RBFOX1: variants seen among roughly 807,000 people sequenced by gnomAD.
The protein encoded by RBFOX1 is RNA binding fox-1 homolog 1, also known as RNA binding protein fox-1 homolog 1.
Under a neutral mutation model 57.7 loss-of-function variants are expected in RBFOX1, and 8 were observed. The ratio of observed to expected loss-of-function variants is 0.14; its 90% CI spans 0.08 to 0.25. RBFOX1 has a LOEUF of 0.25. Among genes scored for constraint, RBFOX1 ranks in the 10% least tolerant of loss-of-function variants. The pLI, the probability that RBFOX1 is intolerant of heterozygous loss-of-function variation, is 1.00. For synonymous variants in RBFOX1, 326 were observed against 222.4 expected (o/e 1.47, Z -4.15); for missense variants, 611 against 548.5 (o/e 1.11, Z -1.14).
chr16:5,786,530 G>C (rs944078053), intron 3 of RBFOX1, among the ~76,000 whole-genome samples: 1 of 152,094 alleles, frequency 6.6e-6, no homozygotes, highest in African/African-American at 2.4e-5. Flanking sequence ...GCCTCGAGAG[G>C]GTTCTGCACT....
intron 3 of RBFOX1, among the ~76,000 whole-genome samples, chr16:6,752,417 G>C (rs943089070): frequency 2.6e-5 from 4 of 152,168 alleles, no homozygotes; most frequent in African/African-American, 9.7e-5. Flanking sequence ...CCACAAGGAA[G>C]TGATAGCTCC....
intron 4 of RBFOX1, among the ~76,000 whole-genome samples, chr16:7,322,499 A>C (rs910467997): frequency 6.6e-6 from 1 of 152,232 alleles, no homozygotes; most frequent in African/African-American, 2.4e-5. Context: ...AAAGTACAGC[A>C]CATCTTGCTA....
At chr16:6,774,350 A>C (rs2078968817) in intron 3 of RBFOX1, among the ~76,000 whole-genome samples, 1 of 152,066 alleles carries the variant, frequency 6.6e-6, no homozygotes, top group Non-Finnish European at 1.5e-5. Flanking sequence ...GGACATTTCT[A>C]ACTGGCCAAG....
chr16:6,924,437 C>T (rs1298541939), intron 3 of RBFOX1, among the ~76,000 whole-genome samples: 1 of 151,966 alleles, frequency 6.6e-6, no homozygotes, highest in Non-Finnish European at 1.5e-5. Flanking sequence ...TGAGTGCTCA[C>T]TCATCACTAA....
intron 3 of RBFOX1, among the ~76,000 whole-genome samples, chr16:6,860,811 A>T (rs922604819): frequency 1.3e-5 from 2 of 152,230 alleles, no homozygotes; most frequent in Non-Finnish European, 2.9e-5. Flanking sequence ...ATACAGTATG[A>T]CATCATTTAT....
chr16:6,483,311 C>A, intron 2 of RBFOX1: 1 of 1,415,098 alleles, frequency 7.1e-7, no homozygotes, highest in Non-Finnish European at 9.2e-7. Flanking sequence ...CGCGCCCGCG[C>A]GCTCGGGGCG....
chr16:5,777,254 C>G (rs551557179), intron 3 of RBFOX1, among the ~76,000 whole-genome samples: 68 of 152,286 alleles, frequency 4.5e-4, no homozygotes, highest in African/African-American at 1.4e-3. Context: ...TGGATCATGG[C>G]CCCTTCCTCT....
At chr16:5,855,353 C>G (rs548687767) in intron 3 of RBFOX1, among the ~76,000 whole-genome samples, 5 of 152,272 alleles carry the variant, frequency 3.3e-5, no homozygotes, top group Admixed American at 2.0e-4. Flanking sequence ...CCTTACGGTT[C>G]AAGTCTTATG....
chr16:5,471,905 C>T (rs144866421), intron 2 of RBFOX1, among the ~76,000 whole-genome samples: 2 of 152,118 alleles, frequency 1.3e-5, no homozygotes, highest in East Asian at 1.9e-4. Flanking sequence ...GCCCTCAGCC[C>T]CGCTTCATGC....
intron 3 of RBFOX1, among the ~76,000 whole-genome samples, chr16:6,673,459 A>G (rs992535458): frequency 2.0e-5 from 3 of 152,144 alleles, no homozygotes; most frequent in Non-Finnish European, 4.4e-5. Flanking sequence ...CTGGTGGTGC[A>G]TGCCTGTAAT....
At chr16:5,500,509 A>C (rs1359171731) in intron 2 of RBFOX1, among the ~76,000 whole-genome samples, 1 of 152,148 alleles carries the variant, frequency 6.6e-6, no homozygotes, top group Admixed American at 6.5e-5. Context: ...GGTGTGAGCC[A>C]TCATGCCTGG....
At chr16:7,564,934 G>C (rs1049981350) in intron 5 of RBFOX1, among the ~76,000 whole-genome samples, 3 of 152,178 alleles carry the variant, frequency 2.0e-5, no homozygotes, top group Non-Finnish European at 2.9e-5. Flanking sequence ...GAAATGTGAT[G>C]TATTTCTTAA....
chr16:6,249,829 G>T lies in RBFOX1; in HGVS notation c.-126-67166G>T, dbSNP rs556550470. On this transcript the variant is annotated intron_variant, in intron 1 of 15. Transcript: ENST00000550418. Reference sequence around the variant, plus strand: ...TAGGGTACGTGTGCACAATGTGCAGGTTAGTTACATATGTATACATGTGCC... The same window carrying T: ...TAGGGTACGTGTGCACAATGTGCAGTTTAGTTACATATGTATACATGTGCC... Among the ~76,000 whole-genome samples the T allele has an allele frequency of 2.7e-5, 4 of 150,368 alleles. No homozygotes were observed. In the East Asian group the frequency reaches 7.9e-4, roughly 30 times the overall value.
intron 2 of RBFOX1, among the ~76,000 whole-genome samples, chr16:6,584,784 G>A (rs909335601): frequency 3.9e-5 from 6 of 152,102 alleles, no homozygotes; most frequent in Admixed American, 6.6e-5. Context: ...GCCTGGCACC[G>A]ATCACTGAAG....
intron 3 of RBFOX1, among the ~76,000 whole-genome samples, chr16:6,979,418 G>C (rs2153585579): frequency 6.6e-6 from 1 of 152,254 alleles, no homozygotes; most frequent in East Asian, 1.9e-4. Context: ...AATTAAAGTT[G>C]AAGAAAGTCC....
intron 1 of RBFOX1, among the ~76,000 whole-genome samples, chr16:6,254,542 A>C (rs147315785): frequency 6.6e-6 from 1 of 152,296 alleles, no homozygotes; most frequent in African/African-American, 2.4e-5. Flanking sequence ...CATCTTGGGC[A>C]AGGTGACTAT....
At chr16:5,690,162 T>G (rs1309620603) in intron 3 of RBFOX1, among the ~76,000 whole-genome samples, 2 of 152,226 alleles carry the variant, frequency 1.3e-5, no homozygotes, top group Non-Finnish European at 2.9e-5. Flanking sequence ...GGAGTCTTGG[T>G]TTTCATGTAA....
chr16:5,393,942 C>T (rs552521563), intron 1 of RBFOX1, among the ~76,000 whole-genome samples: 4 of 152,316 alleles, frequency 2.6e-5, no homozygotes, highest in East Asian at 1.9e-4. Context: ...TGACTCTTCT[C>T]GGCACCTCAT....
intron 3 of RBFOX1, among the ~76,000 whole-genome samples, chr16:6,787,549 G>T (rs1159671544): frequency 6.6e-6 from 1 of 152,120 alleles, no homozygotes; most frequent in East Asian, 1.9e-4. Context: ...GTATTAATTT[G>T]TGCCAATTCC....
Sources: gnomAD v4.1 joint callset for allele counts (sites outside exome capture counted in the v4.1 genomes callset) on GRCh38, gnomAD v4.1.1 for gene constraint, MANE v1.5 for transcripts, NCBI Gene and HGNC (gene_info 2026-07-23, HGNC 2026-07-21) for gene names.